The following FGGY variants were observed in gnomAD, a reference collection of about 807,000 sequenced individuals.
The protein encoded by FGGY is FGGY carbohydrate kinase domain-containing protein.
In FGGY, 72 loss-of-function variants were observed where a neutral mutation model predicts 71.3. The observed-to-expected ratio is 1.01, with a 90% CI of 0.84 to 1.23. The LOEUF (loss-of-function observed/expected upper bound fraction) is 1.23. FGGY is among the 50% of genes most tolerant of loss of function. The pLI is 0.00. For missense variants in FGGY, 668 were observed against 682.3 expected, an observed-to-expected ratio of 0.98 and a Z score of 0.23; for synonymous variants, 251 against 250.3, an observed-to-expected ratio of 1.00 and a Z score of -0.02.
chr1:59,740,898 TAC>T (rs1170371858), intron 14 of FGGY, among the ~76,000 whole-genome samples: 1 of 152,210 alleles, frequency 6.6e-6, no homozygotes, highest in Non-Finnish European at 1.5e-5. Flanking sequence ...ATATGTAAGA[TAC>T]ACACCAGATT....
rs187556719 is a variant in FGGY, at chr1:59,709,768, A to C, written c.1512+35635A>C. Among the ~76,000 whole-genome samples, 184 of 152,272 alleles carry C rather than the reference A, an allele frequency of 1.2e-3. 1 individual carries two copies. Among genetic ancestry groups the C allele is most frequent in the African/African-American group, 4.3e-3 (177 of 41,542 alleles). ...TTGTGGGACCCAGTGCAAAATGAAAATGTAGGTCCCTGACCAGGGACAGGA... is the reference window on the plus strand; with the variant it reads ...TTGTGGGACCCAGTGCAAAATGAAACTGTAGGTCCCTGACCAGGGACAGGA... On this transcript the variant is annotated intron_variant, in intron 14 of 15. Transcript: ENST00000303721.
intron 4 of FGGY, among the ~76,000 whole-genome samples, chr1:59,360,960 A>G (rs2055392202): frequency 6.6e-6 from 1 of 152,182 alleles, no homozygotes; most frequent in South Asian, 2.1e-4. Flanking sequence ...CTGTTTCTAC[A>G]GCAGCTCAGA....
intron 9 of FGGY, 150 bp downstream of exon 9, chr1:59,608,060 A>G (rs1316882431): frequency 8.3e-6 from 5 of 602,484 alleles, no homozygotes; most frequent in Middle Eastern, 3.4e-4. Context: ...CTAACATGTC[A>G]TACACATGCA....
chr1:59,481,140 A>G (rs528470754), intron 6 of FGGY, among the ~76,000 whole-genome samples: 25 of 152,218 alleles, frequency 1.6e-4, no homozygotes, highest in Non-Finnish European at 3.5e-4. Context: ...ATGTTTAGAA[A>G]CTATTGCATT....
intron 5 of FGGY, among the ~76,000 whole-genome samples, chr1:59,410,493 T>C (rs2063452109): frequency 6.6e-6 from 1 of 152,192 alleles, no homozygotes; most frequent in Non-Finnish European, 1.5e-5. Context: ...CCACTCAGTA[T>C]ATGGGACATG....
chr1:59,590,004 T>A (rs917760689), intron 8 of FGGY, among the ~76,000 whole-genome samples: 33 of 151,964 alleles, frequency 2.2e-4, no homozygotes, highest in Admixed American at 3.3e-4. Context: ...TAGGAGCTGG[T>A]TTTTTGAAAG....
At chr1:59,630,158 A>G (rs2153863711) in intron 10 of FGGY, among the ~76,000 whole-genome samples, 1 of 152,270 alleles carries the variant, frequency 6.6e-6, no homozygotes, top group South Asian at 2.1e-4. Context: ...ATGAGAAGTC[A>G]CTATCACAAG....
chr1:59,604,041 A>G (rs2096601076), intron 8 of FGGY, among the ~76,000 whole-genome samples: 2 of 152,230 alleles, frequency 1.3e-5, no homozygotes, highest in Non-Finnish European at 2.9e-5. Context: ...TACCTGTAAT[A>G]TGCTTAGAAT....
At chr1:59,578,887 T>C (rs1344650689) in intron 8 of FGGY, among the ~76,000 whole-genome samples, 1 of 152,082 alleles carries the variant, frequency 6.6e-6, no homozygotes, top group Non-Finnish European at 1.5e-5. Flanking sequence ...GCTCCCATCT[T>C]AAGAATGGGA....
At chr1:59,378,304 C>T (rs990755265) in intron 4 of FGGY, among the ~76,000 whole-genome samples, 1 of 151,930 alleles carries the variant, frequency 6.6e-6, no homozygotes, top group African/African-American at 2.4e-5. Flanking sequence ...GAGTAAGTCT[C>T]ACAAGATCTG....
intron 14 of FGGY, among the ~76,000 whole-genome samples, chr1:59,736,089 A>G (rs2098100639): frequency 6.6e-6 from 1 of 152,118 alleles, no homozygotes; most frequent in Non-Finnish European, 1.5e-5. Context: ...ATAAGGGGGA[A>G]TTTCCCTGCA....
chr1:59,443,903 C>T (rs547683584), intron 5 of FGGY, among the ~76,000 whole-genome samples: 4 of 152,050 alleles, frequency 2.6e-5, no homozygotes, highest in South Asian at 2.1e-4. Flanking sequence ...GGCATGGGAC[C>T]GTGAAGCAAA....
intron 6 of FGGY, among the ~76,000 whole-genome samples, chr1:59,477,243 A>G (rs1018833591): frequency 2.0e-5 from 3 of 152,130 alleles, no homozygotes; most frequent in Admixed American, 1.3e-4. Context: ...TTGGCCTCCA[A>G]TGTGGCCCTT....
intron 7 of FGGY, among the ~76,000 whole-genome samples, chr1:59,514,850 C>T (rs1375701578): frequency 6.6e-6 from 1 of 152,214 alleles, no homozygotes; most frequent in Non-Finnish European, 1.5e-5. Flanking sequence ...ACCTCCTTTT[C>T]TTCCTTGTCT....
chr1:59,410,338 T>C (rs751742549), intron 5 of FGGY, among the ~76,000 whole-genome samples: 1 of 152,210 alleles, frequency 6.6e-6, no homozygotes, highest in Non-Finnish European at 1.5e-5. Context: ...GTTAACCTTA[T>C]GACAACTCTG....
rs116251367 is a variant in FGGY, at chr1:59,340,698, T to G, written c.313+629T>G. 2.8e-3 allele frequency among the ~76,000 whole-genome samples: 432 copies of G among 152,336 alleles called. 4 individuals are homozygous for G. Among genetic ancestry groups the G allele is most frequent in the African/African-American group, 9.5e-3 (394 of 41,578 alleles). ...ATAAGGTTGTCCCTTTTGGGGAATT[T>G]TAGCCAATAACGTTTGTACTGGGGT... On this transcript the variant is annotated intron_variant, in intron 3 of 15. Coordinates refer to ENST00000303721, the MANE Select transcript of FGGY (RefSeq NM_018291.5).
intron 14 of FGGY, among the ~76,000 whole-genome samples, chr1:59,714,158 C>T (rs1374324117): frequency 1.3e-5 from 2 of 152,146 alleles, no homozygotes; most frequent in Admixed American, 1.3e-4. Flanking sequence ...GTGTCTAGGA[C>T]TCAAAGGTGA....
chr1:59,565,072 A>G (rs773706625), intron 8 of FGGY, among the ~76,000 whole-genome samples: 1 of 152,128 alleles, frequency 6.6e-6, no homozygotes, highest in Non-Finnish European at 1.5e-5. Flanking sequence ...TGGGGGTGGT[A>G]TATGGGAGTG....
intron 13 of FGGY, among the ~76,000 whole-genome samples, chr1:59,667,785 C>T (rs985692180): frequency 5.3e-5 from 8 of 152,150 alleles, no homozygotes; most frequent in Admixed American, 2.6e-4. Context: ...CAGGAACTCA[C>T]AGTCTATTGA....
Sources: allele counts gnomAD v4.1 joint callset (sites outside exome capture counted in the v4.1 genomes callset), GRCh38; gene constraint gnomAD v4.1.1; transcripts MANE v1.5; gene names NCBI Gene and HGNC (gene_info 2026-07-23, HGNC 2026-07-21).